ERBB4: variants seen among roughly 807,000 people sequenced by gnomAD.
The protein encoded by ERBB4 is receptor tyrosine-protein kinase erbB-4.
ERBB4 carries 42 observed loss-of-function variants against 158.0 expected under a neutral mutation model. That is an observed-to-expected ratio of 0.27 (90% confidence interval 0.21 to 0.34). The LOEUF (loss-of-function observed/expected upper bound fraction) is 0.34, where lower values mean the gene tolerates loss of function less well. Ranked by LOEUF, ERBB4 falls within the 10% of genes least tolerant of loss-of-function variation. The pLI is 1.00. For missense variants in ERBB4, 1,333 were observed against 1,624.1 expected, an observed-to-expected ratio of 0.82 and a Z score of 3.08; for synonymous variants, 583 against 558.7, an observed-to-expected ratio of 1.04 and a Z score of -0.61.
intron 25 of ERBB4, among the ~76,000 whole-genome samples, chr2:211,406,952 T>C (rs927431559): frequency 6.6e-6 from 1 of 151,936 alleles, no homozygotes; most frequent in Non-Finnish European, 1.5e-5. Flanking sequence ...TGATGGTGCA[T>C]GCCTGCAGTT....
chr2:211,525,813 C>T (rs1009708239), intron 20 of ERBB4, among the ~76,000 whole-genome samples: 4 of 152,086 alleles, frequency 2.6e-5, no homozygotes, highest in African/African-American at 9.7e-5. Flanking sequence ...TGGCAATACT[C>T]CCCATGGGCC....
intron 1 of ERBB4, among the ~76,000 whole-genome samples, chr2:212,414,386 C>T (rs2091591012): frequency 6.6e-6 from 1 of 152,108 alleles, no homozygotes; most frequent in Admixed American, 6.5e-5. Context: ...AATTTAGCAG[C>T]CTGAATGCCT....
intron 1 of ERBB4, among the ~76,000 whole-genome samples, chr2:212,459,183 T>C (rs1391140294): frequency 3.9e-5 from 6 of 152,168 alleles, no homozygotes; most frequent in African/African-American, 1.4e-4. Context: ...ATAATTAGTT[T>C]GTACTCTTTG....
chr2:212,139,446 C>G (rs1283887303), intron 1 of ERBB4, among the ~76,000 whole-genome samples: 1 of 151,876 alleles, frequency 6.6e-6, no homozygotes, highest in African/African-American at 2.4e-5. Context: ...ATAAAGGTAT[C>G]AAAAATATAC....
intron 3 of ERBB4, among the ~76,000 whole-genome samples, chr2:211,929,071 A>T (rs141013509): frequency 6.6e-6 from 1 of 152,296 alleles, no homozygotes; most frequent in East Asian, 1.9e-4. Context: ...TCATGGGTAC[A>T]TGTAATAGCT....
At chr2:212,287,304 T>G (rs967462917) in intron 1 of ERBB4, among the ~76,000 whole-genome samples, 1 of 152,150 alleles carries the variant, frequency 6.6e-6, no homozygotes, top group Non-Finnish European at 1.5e-5. Flanking sequence ...GTCACACTTG[T>G]AAGAGTACTC....
intron 1 of ERBB4, among the ~76,000 whole-genome samples, chr2:212,456,489 T>G (rs1688294352): frequency 6.6e-6 from 1 of 151,884 alleles, no homozygotes. Context: ...CTCAACTGAT[T>G]GTTCTTAAGT....
chr2:212,060,356 T>C (rs2077720872), intron 2 of ERBB4, among the ~76,000 whole-genome samples: 1 of 151,810 alleles, frequency 6.6e-6, no homozygotes, highest in East Asian at 2.0e-4. Context: ...TTTTACACTG[T>C]TGGTGGGACT....
At position 211,750,913 on chromosome 2, in the gene ERBB4, C is replaced by G. The variant is rs1390893275; in HGVS notation, c.557-209G>C. Among the ~76,000 whole-genome samples, 2 of 152,132 alleles carry G rather than the reference C, an allele frequency of 1.3e-5. 1 individual carries two copies. Among genetic ancestry groups the G allele is most frequent in the South Asian group, 4.1e-4 (2 of 4,824 alleles). On this transcript the variant is annotated intron_variant, in intron 4 of 27. Coordinates refer to ENST00000342788, the MANE Select transcript of ERBB4 (RefSeq NM_005235.3). ...AACTAAAGTACAACCTCCTGGTATT[C>G]AAATCCTCTTATCATTTTTTAGGAA...
chr2:211,639,052 C>T, intron 16 of ERBB4, among the ~76,000 whole-genome samples: 1 of 152,124 alleles, frequency 6.6e-6, no homozygotes. Context: ...CCAGGAAGAA[C>T]TTTCCTTTTA....
At chr2:211,633,848 T>G (rs2070244695) in intron 16 of ERBB4, among the ~76,000 whole-genome samples, 1 of 151,764 alleles carries the variant, frequency 6.6e-6, no homozygotes, top group Admixed American at 6.6e-5. Flanking sequence ...CTAACAAAGG[T>G]CAAATATCCA....
In ERBB4 at chr2:211,946,576, C is replaced by CTTTTTTTTTTTTTTTT. The variant is rs56007115; in HGVS notation, c.421+838_421+853dup. ...TACTAATTATTTACTAATTAGCTCT[C>CTTTTTTTTTTTTTTTT]TTTTTTTTTTTTTTTTTTTTTTTTT... is the stretch of plus-strand genomic sequence containing the variant. On this transcript the variant is annotated intron_variant, in intron 3 of 27. Transcript: ENST00000342788. 1.2e-4 allele frequency among the ~76,000 whole-genome samples: 6 copies of CTTTTTTTTTTTTTTTT among 49,568 alleles called. 1 individual carries two copies. The highest frequency in any genetic ancestry group is 1.6e-4 in the African/African-American group (2 of 12,856). The allele number at this position is 49,568 out of a possible 152,430, so 32.5% of individuals were successfully genotyped here. A position where few individuals can be genotyped will look rare whatever the true frequency, so the allele number is the denominator to read the frequency against.
At chr2:211,997,422 T>C (rs1475380616) in intron 2 of ERBB4, among the ~76,000 whole-genome samples, 2 of 152,122 alleles carry the variant, frequency 1.3e-5, no homozygotes, top group South Asian at 4.1e-4. Flanking sequence ...AAAATGTTGA[T>C]GTTGTAAACA....
At chr2:212,302,570 G>A (rs1279173936) in intron 1 of ERBB4, among the ~76,000 whole-genome samples, 1 of 151,388 alleles carries the variant, frequency 6.6e-6, no homozygotes, top group Non-Finnish European at 1.5e-5. Context: ...GGCAAAATAT[G>A]AGTTTCAGAA....
In ERBB4 at chr2:211,905,681, T is replaced by TACAC. The variant is rs1553663425; in HGVS notation, c.421+41745_421+41748dup. 1.4e-3 allele frequency among the ~76,000 whole-genome samples: 158 copies of TACAC among 110,422 alleles called. 1 individual carries two copies. Among genetic ancestry groups the TACAC allele is most frequent in the Non-Finnish European group, 2.1e-3 (118 of 55,332 alleles). The allele number at this position is 110,422 out of a possible 152,430, so 72.4% of individuals were successfully genotyped here. ...ATATATATATATATATATATATATATACACACATATATGTGTGTGTATGTG... is the reference window on the plus strand; with the variant it reads ...ATATATATATATATATATATATATATACACACACACATATATGTGTGTGTATGTG... On this transcript the variant is annotated intron_variant, in intron 3 of 27. Transcript: ENST00000342788.
At chr2:212,288,187 T>C (rs1331449485) in intron 1 of ERBB4, among the ~76,000 whole-genome samples, 1 of 152,136 alleles carries the variant, frequency 6.6e-6, no homozygotes, top group Non-Finnish European at 1.5e-5. Context: ...TAAGGCCTAA[T>C]ATGCTCCTGG....
In ERBB4 at chr2:211,623,943, A is replaced by T. The variant is rs754404030; in HGVS notation, c.2181T>A (p.Gly727=). Residue 727 remains glycine (G), a synonymous_variant, in exon 18 of 28, where the codon GGT becomes GGA. Transcript: ENST00000342788. ...ELKRVKVLGS[G]AFGTVYKGIW... is the part of the protein sequence containing the mutation. ...TTACTTTATAAACCGTTCCAAAAGCACCTGAGCCAAGGACTTTTACCCTCT... is the reference window on the plus strand; with the variant it reads ...TTACTTTATAAACCGTTCCAAAAGCTCCTGAGCCAAGGACTTTTACCCTCT... 5.0e-6 allele frequency: 8 copies of T among 1,614,108 alleles called. No individual in the cohort carries two copies. The South Asian group carries it at 6.6e-5, about 13-fold the overall frequency.
rs146255295 is a variant in ERBB4 at position 211,902,944 on chromosome 2, T to C, written c.421+44486A>G. ...TAGAAAACTAAAAATCTTCACTCAG[T>C]AAAACTAATTATCTCTGTAATCTCA... On this transcript the variant is annotated intron_variant, in intron 3 of 27. Coordinates refer to ENST00000342788, the MANE Select transcript of ERBB4 (RefSeq NM_005235.3). Among the ~76,000 whole-genome samples, 666 of 152,080 alleles carry C rather than the reference T, an allele frequency of 4.4e-3. 4 individuals carry two copies. The highest frequency in any genetic ancestry group is 0.015 in the African/African-American group (642 of 41,566).
At chr2:212,089,452 A>T (rs987527996) in intron 2 of ERBB4, among the ~76,000 whole-genome samples, 1 of 152,104 alleles carries the variant, frequency 6.6e-6, no homozygotes, top group Non-Finnish European at 1.5e-5. Flanking sequence ...TGTAACCCCC[A>T]ATGTTGGAGG....
Sources: gnomAD v4.1 joint callset for allele counts (sites outside exome capture counted in the v4.1 genomes callset) on GRCh38, gnomAD v4.1.1 for gene constraint, MANE v1.5 for transcripts, NCBI Gene and HGNC (gene_info 2026-07-23, HGNC 2026-07-21) for gene names.